Variants in DAB1 observed in about 807,000 individuals in gnomAD.
DAB1 encodes disabled homolog 1.
Under a neutral mutation model 64.6 loss-of-function variants are expected in DAB1, and 15 were observed. The ratio of observed to expected loss-of-function variants is 0.23; its 90% CI spans 0.16 to 0.36. DAB1 has a LOEUF of 0.36. Ranked by LOEUF, DAB1 falls within the 10% of genes least tolerant of loss-of-function variation. The pLI is 1.00. For synonymous variants in DAB1, 235 were observed against 251.9 expected (o/e 0.93, Z 0.64); for missense variants, 596 against 706.7 (o/e 0.84, Z 1.78).
At chr1:57,802,247 T>TAC (rs1158196089) in intron 6 of DAB1, among the ~76,000 whole-genome samples, 4 of 152,222 alleles carry the variant, frequency 2.6e-5, no homozygotes, top group African/African-American at 9.6e-5. Flanking sequence ...GTTACTTACT[T>TAC]TGCTGTTGTC....
At chr1:57,047,130 C>T (rs1648601071) in intron 9 of DAB1, among the ~76,000 whole-genome samples, 1 of 152,228 alleles carries the variant, frequency 6.6e-6, no homozygotes, top group Non-Finnish European at 1.5e-5. Flanking sequence ...AGTTATGCCT[C>T]TTCTAGCTGT....
At chr1:57,635,768 A>T (rs1160091989) in intron 7 of DAB1, among the ~76,000 whole-genome samples, 2 of 152,082 alleles carry the variant, frequency 1.3e-5, no homozygotes, top group Non-Finnish European at 2.9e-5. Flanking sequence ...CCTGGTGCCA[A>T]AATGGTTGGG....
At chr1:57,304,010 C>A (rs1385038027) in intron 1 of DAB1, among the ~76,000 whole-genome samples, 1 of 152,182 alleles carries the variant, frequency 6.6e-6, no homozygotes, top group Non-Finnish European at 1.5e-5. Context: ...GTCATCGGAA[C>A]CCTTAAATAT....
intron 4 of DAB1, among the ~76,000 whole-genome samples, chr1:58,336,939 G>T (rs1034139829): frequency 1.3e-5 from 2 of 152,072 alleles, no homozygotes; most frequent in Non-Finnish European, 2.9e-5. Flanking sequence ...CTAAAACTTG[G>T]AAAATAATAA....
At chr1:57,585,330 C>T (rs72908535) in intron 7 of DAB1, among the ~76,000 whole-genome samples, 1,899 of 135,066 alleles carry the variant, frequency 0.014, 59 homozygotes, top group African/African-American at 0.051. Context: ...AAAGAGACAA[C>T]AAAGTTAGAT....
chr1:57,681,520 A>G lies in DAB1; in HGVS notation n.552-31855T>C, dbSNP rs189525953. On this transcript the variant is annotated intron_variant and non_coding_transcript_variant, in intron 6 of 20. Transcript: ENST00000485760. ...ATTAGGAAAAGTGAATGGAGTAACC[A>G]TGGGTCTTTAAATAAGGAAATAAAT... 1.2e-3 allele frequency among the ~76,000 whole-genome samples: 184 copies of G among 152,248 alleles called. 1 individual carries two copies. Among genetic ancestry groups the G allele is most frequent in the African/African-American group, 4.1e-3 (169 of 41,550 alleles).
downstream of DAB1, among the ~76,000 whole-genome samples, chr1:57,823,841 C>T (rs1023596436): frequency 6.6e-6 from 1 of 152,102 alleles, no homozygotes; most frequent in Non-Finnish European, 1.5e-5. Flanking sequence ...GATGAGGAAG[C>T]AGAGACTCAA....
intron 4 of DAB1, among the ~76,000 whole-genome samples, chr1:58,207,693 T>C (rs1289385578): frequency 2.0e-5 from 3 of 152,156 alleles, no homozygotes; most frequent in Admixed American, 2.0e-4. Context: ...GAGAAATAGA[T>C]AGATACTTTT....
At chr1:58,053,951 T>C (rs1221374780) in intron 5 of DAB1, among the ~76,000 whole-genome samples, 1 of 152,252 alleles carries the variant, frequency 6.6e-6, no homozygotes, top group African/African-American at 2.4e-5. Flanking sequence ...CCCACATTGT[T>C]GCCTGCTAGT....
At chr1:58,413,492 C>T (rs1422901831) in intron 3 of DAB1, among the ~76,000 whole-genome samples, 1 of 152,142 alleles carries the variant, frequency 6.6e-6, no homozygotes, top group African/African-American at 2.4e-5. Flanking sequence ...AAAGCCCATG[C>T]TCTTATCCAT....
At chr1:58,164,988 A>C (rs994075485) in intron 4 of DAB1, among the ~76,000 whole-genome samples, 9 of 152,184 alleles carry the variant, frequency 5.9e-5, no homozygotes, top group Non-Finnish European at 8.8e-5. Context: ...TCACACAAAA[A>C]CTTGATTTTC....
chr1:57,608,546 G>GTTA (rs1028813964), intron 7 of DAB1, among the ~76,000 whole-genome samples: 38 of 152,312 alleles, frequency 2.5e-4, no homozygotes, highest in African/African-American at 8.9e-4. Context: ...ATAGACTTGA[G>GTTA]TTATTCTCCT....
chr1:57,555,871 A>G (rs1361470878), intron 7 of DAB1, among the ~76,000 whole-genome samples: 6 of 152,156 alleles, frequency 3.9e-5, no homozygotes, highest in African/African-American at 1.2e-4. Flanking sequence ...CCCAGCTGAG[A>G]ATCTTCTTTC....
intron 3 of DAB1, among the ~76,000 whole-genome samples, chr1:58,372,714 G>A (rs998590621): frequency 2.6e-5 from 4 of 152,096 alleles, no homozygotes; most frequent in African/African-American, 9.7e-5. Flanking sequence ...GCATCATGAG[G>A]GTGGTTTCCC....
intron 5 of DAB1, among the ~76,000 whole-genome samples, chr1:58,011,804 G>A (rs916810137): frequency 6.6e-6 from 1 of 151,958 alleles, no homozygotes; most frequent in Non-Finnish European, 1.5e-5. Context: ...CGATTCTCCT[G>A]TTCAGCCTCC....
intron 6 of DAB1, among the ~76,000 whole-genome samples, chr1:57,755,477 G>A (rs986350102): frequency 2.0e-5 from 3 of 152,130 alleles, no homozygotes; most frequent in African/African-American, 7.2e-5. Flanking sequence ...AAAATTGGTC[G>A]ATCCCACATG....
intron 11 of DAB1, among the ~76,000 whole-genome samples, chr1:57,017,756 G>A (rs1406511795): frequency 6.6e-6 from 1 of 152,216 alleles, no homozygotes; most frequent in Non-Finnish European, 1.5e-5. Flanking sequence ...AGGCCCTGGA[G>A]CTGAAATTTC....
chr1:57,414,933 T>G (rs1415769830), intron 1 of DAB1, among the ~76,000 whole-genome samples: 1 of 152,182 alleles, frequency 6.6e-6, no homozygotes, highest in Non-Finnish European at 1.5e-5. Context: ...TGGCATTATC[T>G]TTTAATCAGT....
intron 6 of DAB1, among the ~76,000 whole-genome samples, chr1:57,781,633 A>T (rs1238641064): frequency 6.6e-6 from 1 of 152,062 alleles, no homozygotes; most frequent in Non-Finnish European, 1.5e-5. Flanking sequence ...CACAGGTCAA[A>T]ATGATTCCAA....
Sources: allele counts gnomAD v4.1 joint callset (sites outside exome capture counted in the v4.1 genomes callset), GRCh38; gene constraint gnomAD v4.1.1; transcripts MANE v1.5; gene names NCBI Gene and HGNC (gene_info 2026-07-23, HGNC 2026-07-21).